The following COG6 variants were observed in gnomAD, a reference collection of about 807,000 sequenced individuals.
The protein encoded by COG6 is component of oligomeric golgi complex 6.
In COG6, 74 loss-of-function variants were observed where a neutral mutation model predicts 88.8. The observed-to-expected ratio is 0.83, with a 90% CI of 0.69 to 1.01. COG6 has a LOEUF of 1.01. COG6 is among the 50% of genes least tolerant of loss of function. COG6 has a pLI of 0.00. For synonymous variants in COG6, 286 were observed against 278.7 expected (o/e 1.03, Z -0.26); for missense variants, 800 against 797.9 (o/e 1.00, Z -0.03).
At chr13:39,763,412 C>T (rs944773079) in intron 18 of COG6, among the ~76,000 whole-genome samples, 12 of 151,692 alleles carry the variant, frequency 7.9e-5, no homozygotes, top group African/African-American at 2.4e-4. Context: ...TCACCCTTGT[C>T]TTTTTCCAAA....
chr13:39,728,031 T>G (rs1474648170), intron 18 of COG6, among the ~76,000 whole-genome samples: 2 of 152,112 alleles, frequency 1.3e-5, no homozygotes, highest in African/African-American at 4.8e-5. Flanking sequence ...ATATAACAAT[T>G]AGAAGAAGCG....
chr13:39,787,743 A>T (rs1881818638), intron 18 of COG6, among the ~76,000 whole-genome samples: 1 of 152,214 alleles, frequency 6.6e-6, no homozygotes, highest in Admixed American at 6.5e-5. Flanking sequence ...CAACAATACG[A>T]CATTAAAACA....
At chr13:39,739,256 A>C (rs1879922724) in intron 18 of COG6, among the ~76,000 whole-genome samples, 1 of 152,128 alleles carries the variant, frequency 6.6e-6, no homozygotes, top group South Asian at 2.1e-4. Flanking sequence ...AAGCTAAATC[A>C]GTTTTTACAA....
At chr13:39,729,576 A>T (rs9548902) in intron 18 of COG6, among the ~76,000 whole-genome samples, 39,381 of 152,046 alleles carry the variant, frequency 0.26, 5,138 homozygotes, top group African/African-American at 0.27. Context: ...AAAAACAGGC[A>T]CTGAATATTT....
At chr13:39,776,446 T>C (rs1249197656) in intron 18 of COG6, among the ~76,000 whole-genome samples, 1 of 152,260 alleles carries the variant, frequency 6.6e-6, no homozygotes, top group Non-Finnish European at 1.5e-5. Context: ...AAAATAGCTG[T>C]CTCTGTCTTC....
intron 2 of COG6, 88 bp downstream of exon 2, chr13:39,659,595 A>C (rs1468097191): frequency 8.7e-7 from 1 of 1,150,662 alleles, no homozygotes; most frequent in Non-Finnish European, 1.3e-6. Flanking sequence ...TTAGGTTGAT[A>C]TGTTTGCTAT....
chr13:39,677,567 A>G lies in COG6; in HGVS notation c.528A>G (p.Gly176=), dbSNP rs1235150926. The G allele has an allele frequency of 6.3e-7, 1 of 1,596,006 alleles. No individual in the cohort carries two copies. The highest frequency in any genetic ancestry group is 2.2e-5 in the East Asian group (1 of 44,684). Residue 176 remains glycine (G), a synonymous_variant, in exon 5 of 19, where the codon GGA becomes GGG. Coordinates refer to ENST00000455146, the MANE Select transcript of COG6 (RefSeq NM_020751.3). ...GTCTTCTCCGAGGTACAAGAGAAGG[A>G]CCCATTACTGAGGTATCCTGGCTTT... is the stretch of plus-strand genomic sequence containing the variant. ...EMSLLRGTRE[G]PITEDFFKAL...
chr13:39,689,598 T>A (rs1366497348), intron 10 of COG6, among the ~76,000 whole-genome samples, 162 bp from the exon 11 acceptor site: 1 of 152,100 alleles, frequency 6.6e-6, no homozygotes, highest in Non-Finnish European at 1.5e-5. Context: ...ATTAGTAATG[T>A]CCCAAGAGAT....
intron 18 of COG6, among the ~76,000 whole-genome samples, chr13:39,773,783 T>A (rs2138179976): frequency 6.6e-6 from 1 of 152,300 alleles, no homozygotes; most frequent in East Asian, 1.9e-4. Flanking sequence ...GAATAAGAAA[T>A]GCTTTGGATA....
chr13:39,772,683 C>T (rs1881354246), intron 18 of COG6, among the ~76,000 whole-genome samples: 1 of 152,248 alleles, frequency 6.6e-6, no homozygotes, highest in South Asian at 2.1e-4. Flanking sequence ...CTGTGCTGGC[C>T]TGAGAACTCA....
chr13:39,719,613 T>G, intron 14 of COG6, 47 bp from the exon 15 acceptor site: 1 of 1,534,146 alleles, frequency 6.5e-7, no homozygotes, highest in Non-Finnish European at 9.0e-7. Context: ...CCCAAGACCC[T>G]ATCAGTGATT....
chr13:39,730,974 A>G (rs975378407), intron 18 of COG6, among the ~76,000 whole-genome samples: 3 of 151,240 alleles, frequency 2.0e-5, no homozygotes, highest in Admixed American at 2.0e-4. Flanking sequence ...GGTGCATGCC[A>G]CCACTCCTGG....
At chr13:39,679,497 G>T in intron 5 of COG6, 41 bp from the exon 6 acceptor site, 1 of 1,096,350 alleles carries the variant, frequency 9.1e-7, no homozygotes, top group African/African-American at 1.5e-5. Flanking sequence ...ATGCAATTTT[G>T]CCTGAAGCAT....
chr13:39,699,745 C>G, intron 13 of COG6, 127 bp downstream of exon 13: 1 of 637,062 alleles, frequency 1.6e-6, no homozygotes, highest in Non-Finnish European at 2.9e-6. Context: ...TTCCTGTCAC[C>G]AACAACTTTC....
At chr13:39,690,560 A>G (rs1166863640) in intron 11 of COG6, among the ~76,000 whole-genome samples, 3 of 151,964 alleles carry the variant, frequency 2.0e-5, no homozygotes, top group Admixed American at 6.6e-5. Flanking sequence ...TTGTAAACCA[A>G]CTTCATTGAT....
chr13:39,696,955 T>TATAC (rs1877310370), intron 12 of COG6, among the ~76,000 whole-genome samples: 1 of 147,216 alleles, frequency 6.8e-6, no homozygotes, highest in Admixed American at 7.0e-5. Flanking sequence ...ATAGGACATG[T>TATAC]ATACATACTA....
chr13:39,673,237 G>A (rs9548876), intron 4 of COG6, among the ~76,000 whole-genome samples: 99,420 of 151,828 alleles, frequency 0.65, 32,820 homozygotes, highest in Admixed American at 0.77. Flanking sequence ...GATGTAGCTC[G>A]TTTTATCTTT....
chr13:39,764,276 G>T (rs1445126033), intron 18 of COG6, among the ~76,000 whole-genome samples: 1 of 151,152 alleles, frequency 6.6e-6, no homozygotes, highest in East Asian at 1.9e-4. Context: ...AGTCTTGGAA[G>T]AATTATGAAT....
At chr13:39,747,682 C>T (rs1429186663) in intron 18 of COG6, among the ~76,000 whole-genome samples, 1 of 152,124 alleles carries the variant, frequency 6.6e-6, no homozygotes, top group African/African-American at 2.4e-5. Flanking sequence ...TTATGTGGTA[C>T]TGCTTTATTT....
Sources: gnomAD v4.1 joint callset for allele counts (sites outside exome capture counted in the v4.1 genomes callset) on GRCh38, gnomAD v4.1.1 for gene constraint, MANE v1.5 for transcripts, NCBI Gene and HGNC (gene_info 2026-07-23, HGNC 2026-07-21) for gene names.